The following KLF8 variants were observed in gnomAD, a reference collection of about 807,000 sequenced individuals.
The protein encoded by KLF8 is KLF transcription factor 8.
Under a neutral mutation model 18.2 loss-of-function variants are expected in KLF8, and 10 were observed. The observed-to-expected ratio is 0.55, with a 90% CI of 0.34 to 0.93. KLF8 has a LOEUF of 0.93. KLF8 is among the 40% of genes least tolerant of loss of function. The probability of loss-of-function intolerance (pLI) is 0.02; values close to 1 mark genes in which losing one functional copy is unlikely to be tolerated. For synonymous variants in KLF8, 109 were observed against 97.3 expected, an observed-to-expected ratio of 1.12 and a Z score of -0.71; for missense variants, 264 against 277.9, an observed-to-expected ratio of 0.95 and a Z score of 0.36.
In KLF8 at chrX:56,266,435, T is replaced by C. The variant is rs982185523; in HGVS notation, c.646+691T>C. 4 of 710,272 alleles carry C rather than the reference T, an allele frequency of 5.6e-6. No homozygotes were observed. In the African/African-American group the frequency reaches 9.4e-5, roughly 17 times the overall value. The allele number at this position is 710,272 out of a possible 1,213,427, so 58.5% of individuals were successfully genotyped here. On this transcript the variant is annotated intron_variant, in intron 3 of 5. Coordinates refer to ENST00000468660, the MANE Select transcript of KLF8 (RefSeq NM_007250.5). ...ATTCCTGAAAAATAATACTCTATCT[T>C]AATTTTTTTATGTATGCCTCCAGAG... is the stretch of plus-strand genomic sequence containing the variant.
the KLF8 span, among the ~76,000 whole-genome samples, chrX:56,115,397 C>A: frequency 2.7e-5 from 3 of 112,027 alleles, no homozygotes; most frequent in Non-Finnish European, 5.6e-5. Flanking sequence ...TGGAAGCCAA[C>A]ACATCTGGAA....
chrX:56,013,921 T>G, the KLF8 span, among the ~76,000 whole-genome samples: 1 of 111,761 alleles, frequency 8.9e-6, no homozygotes. Context: ...CTGGAAGAAC[T>G]GGCTAGCCAT....
At chrX:56,177,855 G>C in the KLF8 span, among the ~76,000 whole-genome samples, 1 of 111,953 alleles carries the variant, frequency 8.9e-6, no homozygotes, top group Non-Finnish European at 1.9e-5. Flanking sequence ...TCAGACTGCT[G>C]TGCTAGCAAT....
the KLF8 span, among the ~76,000 whole-genome samples, chrX:56,083,254 T>C: frequency 1.5e-3 from 171 of 112,223 alleles, 1 homozygote; most frequent in African/African-American, 5.4e-3. Flanking sequence ...TTTTAACAAG[T>C]TATGGAAACA....
chrX:56,176,088 C>T, the KLF8 span, among the ~76,000 whole-genome samples: 1 of 111,705 alleles, frequency 9.0e-6, no homozygotes, highest in Non-Finnish European at 1.9e-5. Context: ...GAGCATTTAG[C>T]CCATTTACAT....
At chrX:55,925,976 T>C in the KLF8 span, among the ~76,000 whole-genome samples, 1 of 112,041 alleles carries the variant, frequency 8.9e-6, no homozygotes, top group Non-Finnish European at 1.9e-5. Context: ...TGGGTATTCA[T>C]CCTATCAAGC....
chrX:56,165,446 A>G, the KLF8 span, among the ~76,000 whole-genome samples: 1 of 112,533 alleles, frequency 8.9e-6, no homozygotes, highest in Non-Finnish European at 1.9e-5. Context: ...CCATTGGTCT[A>G]TCTTGCATTT....
the KLF8 span, among the ~76,000 whole-genome samples, chrX:56,150,893 CAACA>C: frequency 4.5e-5 from 5 of 111,071 alleles, no homozygotes; most frequent in Non-Finnish European, 9.4e-5. Flanking sequence ...GTAATAAGTT[CAACA>C]AAGAAAAATA....
At chrX:56,149,413 A>G in the KLF8 span, among the ~76,000 whole-genome samples, 1 of 110,508 alleles carries the variant, frequency 9.0e-6, no homozygotes, top group Non-Finnish European at 1.9e-5. Context: ...TGAGAACAAT[A>G]GACACTGAAG....
chrX:55,946,811 C>T, the KLF8 span, among the ~76,000 whole-genome samples: 1 of 111,028 alleles, frequency 9.0e-6, no homozygotes, highest in Non-Finnish European at 1.9e-5. Context: ...ACAACCCCAT[C>T]AAAAAGTGGG....
chrX:56,248,721 C>T (rs998018218), intron 1 of KLF8, among the ~76,000 whole-genome samples: 1 of 111,593 alleles, frequency 9.0e-6, no homozygotes, highest in Non-Finnish European at 1.9e-5. Context: ...TACCTGACCT[C>T]ACATTCTTTT....
the KLF8 span, among the ~76,000 whole-genome samples, chrX:56,112,129 A>T: frequency 8.9e-6 from 1 of 112,205 alleles, no homozygotes; most frequent in African/African-American, 3.2e-5. Context: ...TGGTGCATAT[A>T]CACCATGGAA....
At chrX:56,097,800 G>T in the KLF8 span, among the ~76,000 whole-genome samples, 1 of 105,561 alleles carries the variant, frequency 9.5e-6, no homozygotes, top group Non-Finnish European at 1.9e-5. Flanking sequence ...GGAGAATTTT[G>T]TTAAATTGAT....
the KLF8 span, among the ~76,000 whole-genome samples, chrX:56,125,386 G>A: frequency 9.0e-6 from 1 of 111,670 alleles, no homozygotes; most frequent in African/African-American, 3.3e-5. Flanking sequence ...ACTAAAGATG[G>A]AATAGATACC....
the KLF8 span, chrX:55,962,229 T>C: frequency 5.6e-6 from 1 of 179,852 alleles, no homozygotes; most frequent in African/African-American, 3.0e-5. Context: ...GTGAAAAGCA[T>C]GGCCAACCAC....
the KLF8 span, among the ~76,000 whole-genome samples, chrX:56,200,908 C>A: frequency 9.0e-6 from 1 of 111,366 alleles, no homozygotes; most frequent in Admixed American, 9.6e-5. Context: ...ATCAAAATCA[C>A]AATAATATAT....
At chrX:55,932,726 CAG>C in the KLF8 span, among the ~76,000 whole-genome samples, 1 of 112,034 alleles carries the variant, frequency 8.9e-6, no homozygotes, top group Non-Finnish European at 1.9e-5. Flanking sequence ...AGAGTTTCTG[CAG>C]AGAGATCCGC....
chrX:55,911,030 C>T, the KLF8 span, among the ~76,000 whole-genome samples: 1 of 111,592 alleles, frequency 9.0e-6, no homozygotes, highest in East Asian at 2.8e-4. Context: ...TGACCAGAAG[C>T]CTTACTGATA....
At chrX:56,120,734 C>T in the KLF8 span, among the ~76,000 whole-genome samples, 2 of 111,220 alleles carry the variant, frequency 1.8e-5, no homozygotes, top group African/African-American at 6.5e-5. Flanking sequence ...AGAATATGCC[C>T]CACCTCCTCC....
Sources: allele counts gnomAD v4.1 joint callset (sites outside exome capture counted in the v4.1 genomes callset), GRCh38; gene constraint gnomAD v4.1.1; transcripts MANE v1.5; gene names NCBI Gene and HGNC (gene_info 2026-07-23, HGNC 2026-07-21).